Variants in SEC14L5 observed in about 807,000 individuals in gnomAD.
SEC14L5 encodes SEC14 like lipid binding 5, also known as SEC14-like protein 5.
Under a neutral mutation model 84.6 loss-of-function variants are expected in SEC14L5, and 96 were observed. The ratio of observed to expected loss-of-function variants is 1.13; its 90% CI spans 0.96 to 1.34. The LOEUF (loss-of-function observed/expected upper bound fraction) is 1.34. Among genes scored for constraint, SEC14L5 ranks in the 40% most tolerant of loss-of-function variants. The probability of loss-of-function intolerance (pLI) is 0.00; values close to 1 mark genes in which losing one functional copy is unlikely to be tolerated. For synonymous variants in SEC14L5, 546 were observed against 383.4 expected (o/e 1.42, Z -4.95); for missense variants, 1,224 against 942.5 (o/e 1.30, Z -3.91).
rs972592145 is a variant in SEC14L5 at position 4,968,240 on chromosome 16, C to T, written c.63+8854C>T. On this transcript the variant is annotated intron_variant, in intron 2 of 15. Transcript: ENST00000251170. ...TGTTGCCCAGGCTGGAGTGCAGTGGCGCAATCTCGGCTCACTGAAACCTCT... is the reference window on the plus strand; with the variant it reads ...TGTTGCCCAGGCTGGAGTGCAGTGGTGCAATCTCGGCTCACTGAAACCTCT... Among the ~76,000 whole-genome samples the T allele has an allele frequency of 1.1e-4, 17 of 151,060 alleles. No individual in the cohort carries two copies. In the East Asian group the frequency reaches 2.4e-3, roughly 21 times the overall value.
At position 5,018,866 on chromosome 16, in the gene SEC14L5, A is replaced by G. The variant is rs1331890949; in HGVS notation, c.*3896A>G. On this transcript the variant is annotated 3_prime_UTR_variant, in exon 16 of 16. Coordinates refer to ENST00000251170, the MANE Select transcript of SEC14L5 (RefSeq NM_014692.2). ...AAATTTATTGTCCAATGAGAATAGT[A>G]TAATTGTTTTCAACAAAGTCTCTTT... The G allele has an allele frequency of 6.6e-6, 1 of 152,204 alleles. No homozygotes were observed. The allele number at this position is 152,204 out of a possible 1,614,324, so 9.4% of individuals were successfully genotyped here. A position where few individuals can be genotyped will look rare whatever the true frequency, so the allele number is the denominator to read the frequency against.
chr16:5,014,849 TC>T lies in SEC14L5; in HGVS notation c.1980-8del. The T allele has an allele frequency of 6.2e-7, 1 of 1,610,940 alleles. No homozygotes were observed. Among genetic ancestry groups the T allele is most frequent in the East Asian group, 2.2e-5 (1 of 44,864 alleles). Reference sequence around the variant, plus strand: ...GAGAGGGTAACGTGTGCCACGCCCTTCCTCCCCAGGGGCTCCATGTCCAGCC... The same window carrying T: ...GAGAGGGTAACGTGTGCCACGCCCTTCTCCCCAGGGGCTCCATGTCCAGCC... On this transcript the variant is annotated splice_polypyrimidine_tract_variant and intron_variant, in intron 15 of 15. Transcript: ENST00000251170.
intron 2 of SEC14L5, among the ~76,000 whole-genome samples, chr16:4,975,666 C>G (rs1246198604): frequency 1.3e-5 from 2 of 152,056 alleles, no homozygotes; most frequent in Non-Finnish European, 2.9e-5. Context: ...ATAATGACTT[C>G]TTTTCCTTTG....
At chr16:4,969,157 AG>A (rs1281358304) in intron 2 of SEC14L5, among the ~76,000 whole-genome samples, 1 of 152,242 alleles carries the variant, frequency 6.6e-6, no homozygotes, top group Non-Finnish European at 1.5e-5. Flanking sequence ...GGGAGAACAG[AG>A]GTGATCCACT....
At chr16:5,006,473 C>T (rs1050777528) in intron 12 of SEC14L5, among the ~76,000 whole-genome samples, 1 of 152,196 alleles carries the variant, frequency 6.6e-6, no homozygotes, top group South Asian at 2.1e-4. Flanking sequence ...CCCACAGCCA[C>T]ACAGCCTGAA....
intron 2 of SEC14L5, among the ~76,000 whole-genome samples, chr16:4,961,087 C>T (rs541640919): frequency 1.9e-4 from 29 of 152,050 alleles, no homozygotes; most frequent in Admixed American, 4.6e-4. Context: ...CCGTGTAACA[C>T]GGTGAAACCC....
intron 7 of SEC14L5, 146 bp from the exon 8 acceptor site, chr16:4,996,709 T>G: frequency 1.5e-6 from 1 of 671,314 alleles, no homozygotes; most frequent in Non-Finnish European, 2.5e-6. Context: ...GTAGCTGGGG[T>G]TACAGGCGCA....
At chr16:4,974,899 T>C (rs1955322496) in intron 2 of SEC14L5, among the ~76,000 whole-genome samples, 2 of 152,016 alleles carry the variant, frequency 1.3e-5, no homozygotes, top group African/African-American at 4.8e-5. Context: ...TGCCTCAGCC[T>C]CCTGAGTAGC....
chr16:4,991,710 C>G (rs896129792), intron 5 of SEC14L5, 128 bp from the exon 6 acceptor site: 1 of 556,504 alleles, frequency 1.8e-6, no homozygotes, highest in East Asian at 3.2e-5. Context: ...CCAGACACAT[C>G]CAGCCACTCA....
chr16:5,006,702 C>T (rs541897176), intron 12 of SEC14L5, among the ~76,000 whole-genome samples: 8 of 152,340 alleles, frequency 5.3e-5, no homozygotes, highest in African/African-American at 1.7e-4. Context: ...TTTTTCCAGG[C>T]TTGCCTGTTC....
chr16:4,980,764 GA>G (rs1206174856), intron 2 of SEC14L5, among the ~76,000 whole-genome samples: 2 of 152,150 alleles, frequency 1.3e-5, no homozygotes, highest in African/African-American at 4.8e-5. Context: ...CTAGGAGGGG[GA>G]AGGGAGGGTG....
chr16:4,998,013 T>TC, intron 8 of SEC14L5, among the ~76,000 whole-genome samples: 6 of 150,896 alleles, frequency 4.0e-5, no homozygotes, highest in Admixed American at 1.3e-4. Context: ...CTTTTTTTTT[T>TC]TTTTTTTTGA....
chr16:4,969,031 CG>C (rs1347549045), intron 2 of SEC14L5, among the ~76,000 whole-genome samples: 4 of 152,212 alleles, frequency 2.6e-5, no homozygotes, highest in Admixed American at 1.3e-4. Context: ...ACAAAGCGGC[CG>C]GGGCCTTATT....
At chr16:4,989,363 C>T (rs189324008) in intron 4 of SEC14L5, among the ~76,000 whole-genome samples, 34 of 147,008 alleles carry the variant, frequency 2.3e-4, no homozygotes, top group Middle Eastern at 3.5e-3. Context: ...GAGACAGTCT[C>T]GCTCTGTGGC....
intron 6 of SEC14L5, 83 bp from the exon 7 acceptor site, chr16:4,996,265 C>G (rs1955607150): frequency 2.5e-6 from 2 of 814,878 alleles, no homozygotes; most frequent in Non-Finnish European, 4.0e-6. Context: ...AGTGAGGCAG[C>G]CAGTAAGGAA....
intron 2 of SEC14L5, among the ~76,000 whole-genome samples, chr16:4,987,084 C>G (rs1333438769): frequency 6.6e-6 from 1 of 152,140 alleles, no homozygotes; most frequent in African/African-American, 2.4e-5. Flanking sequence ...ATGCACATTG[C>G]TACCTTGTTC....
intron 6 of SEC14L5, among the ~76,000 whole-genome samples, chr16:4,992,986 TC>T (rs1255660768): frequency 6.6e-6 from 1 of 152,138 alleles, no homozygotes; most frequent in African/African-American, 2.4e-5. Context: ...AGTGCCTATG[TC>T]TTCTTTTCAT....
chr16:4,970,804 T>C (rs9939907), intron 2 of SEC14L5, among the ~76,000 whole-genome samples: 64,855 of 152,036 alleles, frequency 0.43, 14,510 homozygotes, highest in Non-Finnish European at 0.5. Flanking sequence ...TGTGCAGAAG[T>C]AGGAACCAGT....
At chr16:4,961,486 G>A (rs1446543532) in intron 2 of SEC14L5, among the ~76,000 whole-genome samples, 1 of 152,124 alleles carries the variant, frequency 6.6e-6, no homozygotes, top group African/African-American at 2.4e-5. Context: ...ACACCACCAT[G>A]CCCAGGTAAT....
Sources: gnomAD v4.1 joint callset for allele counts (sites outside exome capture counted in the v4.1 genomes callset) on GRCh38, gnomAD v4.1.1 for gene constraint, MANE v1.5 for transcripts, NCBI Gene and HGNC (gene_info 2026-07-23, HGNC 2026-07-21) for gene names.